Variants in MICU1 observed in about 807,000 individuals in gnomAD.
The protein encoded by MICU1 is calcium uptake protein 1, mitochondrial.
MICU1 carries 45 observed loss-of-function variants against 56.8 expected under a neutral mutation model. That is an observed-to-expected ratio of 0.79 (90% CI 0.62 to 1.02). MICU1 has a LOEUF of 1.02. Among genes scored for constraint, MICU1 ranks in the 50% least tolerant of loss-of-function variants. MICU1 has a pLI of 0.00. For missense variants in MICU1, 504 were observed against 587.1 expected (o/e 0.86, Z 1.46); for synonymous variants, 186 against 195.1 (o/e 0.95, Z 0.39).
chr10:72,443,589 G>A (rs1445793678), intron 8 of MICU1, among the ~76,000 whole-genome samples: 6 of 152,150 alleles, frequency 3.9e-5, no homozygotes, highest in Non-Finnish European at 8.8e-5. Context: ...TTCTACATAT[G>A]GCTAGCCAGT....
At chr10:72,508,117 C>T (rs1250959377) in intron 6 of MICU1, 38 bp downstream of exon 6, 3 of 1,060,102 alleles carry the variant, frequency 2.8e-6, no homozygotes, top group Non-Finnish European at 4.0e-6. Flanking sequence ...AGTCCTGTAT[C>T]TGCTCTACAA....
intron 10 of MICU1, among the ~76,000 whole-genome samples, chr10:72,396,934 A>C (rs532378168): frequency 4.4e-4 from 67 of 152,336 alleles, no homozygotes; most frequent in African/African-American, 1.4e-3. Context: ...AATACAGAGA[A>C]CACCACAAAG....
chr10:72,605,738 T>C (rs919856710), intron 1 of MICU1, among the ~76,000 whole-genome samples: 1 of 152,202 alleles, frequency 6.6e-6, no homozygotes, highest in Non-Finnish European at 1.5e-5. Flanking sequence ...GTACACAATT[T>C]TATCTAAATG....
chr10:72,448,139 G>GTC (rs1865168013), intron 8 of MICU1, among the ~76,000 whole-genome samples: 10 of 132,996 alleles, frequency 7.5e-5, no homozygotes, highest in Admixed American at 2.4e-4. Context: ...GTGTGTGTGT[G>GTC]TGTGTGTGTG....
chr10:72,497,989 TCTTA>T (rs530919916), intron 6 of MICU1, among the ~76,000 whole-genome samples: 40 of 152,222 alleles, frequency 2.6e-4, no homozygotes, highest in Admixed American at 6.5e-4. Context: ...TAAGTTTTCT[TCTTA>T]CTTAGAGATT....
chr10:72,373,906 A>G (rs1862429881), intron 11 of MICU1, among the ~76,000 whole-genome samples: 1 of 152,178 alleles, frequency 6.6e-6, no homozygotes. Context: ...AATGTTTTAT[A>G]TTTGTGCTAT....
intron 8 of MICU1, among the ~76,000 whole-genome samples, chr10:72,469,438 A>G (rs1408267216): frequency 6.6e-6 from 1 of 152,208 alleles, no homozygotes; most frequent in Non-Finnish European, 1.5e-5. Flanking sequence ...GGCTGTGATG[A>G]TGAGATTATA....
intron 1 of MICU1, among the ~76,000 whole-genome samples, chr10:72,571,832 T>C (rs143989954): frequency 7.2e-5 from 11 of 152,106 alleles, no homozygotes; most frequent in African/African-American, 2.4e-4. Context: ...GGTGGGAGGA[T>C]AGCTTGAGCC....
intron 5 of MICU1, among the ~76,000 whole-genome samples, chr10:72,513,307 A>G (rs1466130569): frequency 1.3e-5 from 2 of 152,198 alleles, no homozygotes; most frequent in African/African-American, 4.8e-5. Context: ...CTAATACCTA[A>G]TGATGCTCAG....
chr10:72,472,343 A>T (rs1366015425), intron 8 of MICU1, among the ~76,000 whole-genome samples: 1 of 152,240 alleles, frequency 6.6e-6, no homozygotes, highest in Non-Finnish European at 1.5e-5. Context: ...AGCTGACCAG[A>T]TAATGTCTTT....
intron 4 of MICU1, among the ~76,000 whole-genome samples, chr10:72,546,056 T>C (rs117145270): frequency 1.2e-3 from 176 of 152,300 alleles, no homozygotes; most frequent in Non-Finnish European, 2.1e-3. Context: ...CAGTTTCTCA[T>C]GTATCTTTGG....
intron 2 of MICU1, 26 bp downstream of exon 2, chr10:72,566,607 G>A (rs376503424): frequency 1.2e-6 from 2 of 1,600,508 alleles, no homozygotes; most frequent in African/African-American, 2.7e-5. Context: ...GTATACGCAA[G>A]AACAAGATGG....
At chr10:72,519,662 C>T (rs895201536) in intron 5 of MICU1, among the ~76,000 whole-genome samples, 1 of 152,088 alleles carries the variant, frequency 6.6e-6, no homozygotes, top group African/African-American at 2.4e-5. Flanking sequence ...CTCATGAGCG[C>T]TAAGTGTGCT....
At chr10:72,502,164 T>TG (rs1867095416) in intron 6 of MICU1, among the ~76,000 whole-genome samples, 4 of 97,912 alleles carry the variant, frequency 4.1e-5, no homozygotes, top group Admixed American at 1.0e-4. Context: ...TTTTGTTTTT[T>TG]TTTTTTTTTT....
intron 10 of MICU1, among the ~76,000 whole-genome samples, chr10:72,378,484 G>C (rs536588917): frequency 4.9e-4 from 75 of 152,110 alleles, no homozygotes; most frequent in South Asian, 1.2e-3. Flanking sequence ...CTTCCTCTTC[G>C]CCTTTCACCA....
At chr10:72,602,973 G>A (rs998624780) in intron 1 of MICU1, among the ~76,000 whole-genome samples, 3 of 148,494 alleles carry the variant, frequency 2.0e-5, no homozygotes, top group East Asian at 1.9e-4. Flanking sequence ...AAAATTAGCC[G>A]GGCGTGGTGG....
chr10:72,585,637 C>A (rs971914959), intron 1 of MICU1, among the ~76,000 whole-genome samples: 13 of 148,458 alleles, frequency 8.8e-5, no homozygotes, highest in African/African-American at 2.7e-4. Context: ...CCAGCCTGGG[C>A]GACAGAGCAA....
intron 3 of MICU1, among the ~76,000 whole-genome samples, chr10:72,552,625 G>A (rs767878410): frequency 5.9e-5 from 9 of 151,848 alleles, no homozygotes; most frequent in South Asian, 4.2e-4. Context: ...CTGTGATCTC[G>A]GCTCACTGCA....
chr10:72,606,023 C>T (rs1841679179), intron 1 of MICU1, among the ~76,000 whole-genome samples: 1 of 150,772 alleles, frequency 6.6e-6, no homozygotes, highest in Non-Finnish European at 1.5e-5. Flanking sequence ...CCCAGCTACT[C>T]AGGAGGCTGA....
Sources: gnomAD v4.1 joint callset for allele counts (sites outside exome capture counted in the v4.1 genomes callset) on GRCh38, gnomAD v4.1.1 for gene constraint, MANE v1.5 for transcripts, NCBI Gene and HGNC (gene_info 2026-07-23, HGNC 2026-07-21) for gene names.